The following FAM184B variants were observed in gnomAD, a reference collection of about 807,000 sequenced individuals.
The protein encoded by FAM184B is family with sequence similarity 184 member B.
FAM184B carries 111 observed loss-of-function variants against 135.9 expected under a neutral mutation model. That is an observed-to-expected ratio of 0.82 (90% confidence interval 0.70 to 0.96). The LOEUF (loss-of-function observed/expected upper bound fraction) is 0.96. FAM184B is among the 40% of genes least tolerant of loss of function. The pLI, the probability that FAM184B is intolerant of heterozygous loss-of-function variation, is 0.00. For synonymous variants in FAM184B, 552 were observed against 524.8 expected (o/e 1.05, Z -0.71); for missense variants, 1,375 against 1,323.9 (o/e 1.04, Z -0.60).
intron 13 of FAM184B, among the ~76,000 whole-genome samples, chr4:17,639,669 C>A (rs1252718323): frequency 6.6e-6 from 1 of 152,126 alleles, no homozygotes; most frequent in Non-Finnish European, 1.5e-5. Flanking sequence ...TGATGGAGAG[C>A]AGCCCTGCAG....
At chr4:17,641,010 T>C (rs561208087) in intron 13 of FAM184B, among the ~76,000 whole-genome samples, 1 of 152,144 alleles carries the variant, frequency 6.6e-6, no homozygotes, top group African/African-American at 2.4e-5. Flanking sequence ...CTCAACTCAG[T>C]GCAACCTCCA....
rs892224889 is a variant in FAM184B at position 17,632,504 on chromosome 4, T to C, written c.*28A>G. 20 of 1,465,306 alleles carry C rather than the reference T, an allele frequency of 1.4e-5. No homozygotes were observed. The highest frequency in any genetic ancestry group is 1.8e-5 in the Non-Finnish European group (19 of 1,077,152). The allele number at this position is 1,465,306 out of a possible 1,614,324, so 90.8% of individuals were successfully genotyped here. ...ATTTAAAATAAATGTTTTTCAAGTATCCTCTGTGATGTATCCCAAAGGTTA... is the reference window on the plus strand; with the variant it reads ...ATTTAAAATAAATGTTTTTCAAGTACCCTCTGTGATGTATCCCAAAGGTTA... On this transcript the variant is annotated 3_prime_UTR_variant, in exon 18 of 18. Coordinates refer to ENST00000265018, the MANE Select transcript of FAM184B (RefSeq NM_015688.2).
At chr4:17,712,568 A>C (rs1348535816) in intron 1 of FAM184B, among the ~76,000 whole-genome samples, 2 of 152,274 alleles carry the variant, frequency 1.3e-5, no homozygotes, top group East Asian at 3.9e-4. Flanking sequence ...CTTCATTGCC[A>C]AGTTCCTATT....
At chr4:17,635,948 C>G (rs987659027) in intron 15 of FAM184B, among the ~76,000 whole-genome samples, 1 of 152,152 alleles carries the variant, frequency 6.6e-6, no homozygotes, top group Non-Finnish European at 1.5e-5. Context: ...TACTACAATT[C>G]AAACCTAAGC....
chr4:17,688,615 C>G (rs776543525), intron 6 of FAM184B, 84 bp from the exon 7 acceptor site: 87 of 995,292 alleles, frequency 8.7e-5, no homozygotes, highest in Non-Finnish European at 6.0e-5. Context: ...ATCAATTCTC[C>G]TGGGTCAGTC....
At chr4:17,757,704 T>C (rs186321611) in intron 1 of FAM184B, among the ~76,000 whole-genome samples, 2 of 149,558 alleles carry the variant, frequency 1.3e-5, no homozygotes, top group Admixed American at 6.6e-5. Context: ...TTATACCGTA[T>C]ACTTTCTAAT....
At chr4:17,632,982 C>T (rs531340048) in intron 17 of FAM184B, 183 of 174,206 alleles carry the variant, frequency 1.1e-3, no homozygotes, top group Middle Eastern at 5.6e-3. Context: ...AGTGCAGTGG[C>T]ATGATCTCGG....
chr4:17,762,738 C>T (rs1718574351), intron 1 of FAM184B, among the ~76,000 whole-genome samples: 2 of 152,214 alleles, frequency 1.3e-5, no homozygotes, highest in South Asian at 4.1e-4. Context: ...AACTATACAT[C>T]AAAATGCCTA....
chr4:17,775,238 T>C (rs576051854), intron 1 of FAM184B, among the ~76,000 whole-genome samples: 26 of 152,060 alleles, frequency 1.7e-4, no homozygotes, highest in Non-Finnish European at 3.7e-4. Flanking sequence ...CAGGCTGGAG[T>C]GTAGTGGTGC....
At chr4:17,746,367 C>T (rs748690210) in intron 1 of FAM184B, among the ~76,000 whole-genome samples, 6 of 152,104 alleles carry the variant, frequency 3.9e-5, no homozygotes, top group Non-Finnish European at 8.8e-5. Flanking sequence ...GTGAATGAAC[C>T]ATCACTGTTT....
chr4:17,686,435 T>A lies in FAM184B; in HGVS notation c.1596+1989A>T, dbSNP rs149678528. 5.9e-3 allele frequency among the ~76,000 whole-genome samples: 902 copies of A among 152,188 alleles called. 6 individuals are homozygous for A. The highest frequency in any genetic ancestry group is 0.021 in the African/African-American group (871 of 41,530). On this transcript the variant is annotated intron_variant, in intron 7 of 17. Transcript: ENST00000265018. ...AGGAGGAAGGAGGAAATCCAGGGAG[T>A]CCTGGCTGCTCCCCTTAACCCAATG...
chr4:17,697,857 GA>G (rs1022198803), intron 5 of FAM184B, among the ~76,000 whole-genome samples: 5 of 151,912 alleles, frequency 3.3e-5, no homozygotes, highest in Admixed American at 6.6e-5. Context: ...AACCTAATGT[GA>G]AAAAAAATTC....
chr4:17,728,836 G>T (rs1240240848), intron 1 of FAM184B, among the ~76,000 whole-genome samples: 1 of 152,196 alleles, frequency 6.6e-6, no homozygotes, highest in African/African-American at 2.4e-5. Flanking sequence ...CAGAAGACAG[G>T]TGATTTCTGC....
At chr4:17,686,678 A>C (rs961035800) in intron 7 of FAM184B, among the ~76,000 whole-genome samples, 1 of 152,264 alleles carries the variant, frequency 6.6e-6, no homozygotes, top group Non-Finnish European at 1.5e-5. Flanking sequence ...ATGCTGGCTC[A>C]TGCCTGTAAT....
intron 7 of FAM184B, among the ~76,000 whole-genome samples, chr4:17,674,913 C>T (rs1385959644): frequency 1.3e-5 from 2 of 152,202 alleles, no homozygotes; most frequent in Non-Finnish European, 2.9e-5. Flanking sequence ...TACATAGTTA[C>T]TTCCTCATCT....
chr4:17,729,559 G>C (rs552401008), intron 1 of FAM184B, among the ~76,000 whole-genome samples: 79 of 152,316 alleles, frequency 5.2e-4, no homozygotes, highest in African/African-American at 1.8e-3. Context: ...ACTTCTAGAG[G>C]AACGATCAGG....
At chr4:17,704,244 ACTTC>A (rs1227672013) in intron 5 of FAM184B, among the ~76,000 whole-genome samples, 1 of 152,168 alleles carries the variant, frequency 6.6e-6, no homozygotes, top group Non-Finnish European at 1.5e-5. Context: ...ATTGCTTCAT[ACTTC>A]CTTCTTTTCT....
intron 1 of FAM184B, among the ~76,000 whole-genome samples, chr4:17,747,838 G>A (rs1343472802): frequency 2.1e-5 from 3 of 145,278 alleles, no homozygotes; most frequent in Non-Finnish European, 4.5e-5. Context: ...GGAGAATGGC[G>A]TGAACCCGGG....
intron 1 of FAM184B, among the ~76,000 whole-genome samples, chr4:17,752,512 C>T (rs965057477): frequency 6.6e-6 from 1 of 152,128 alleles, no homozygotes; most frequent in Admixed American, 6.6e-5. Context: ...GCTTTGATCA[C>T]AGAGAGCCAT....
Sources: gnomAD v4.1 joint callset for allele counts (sites outside exome capture counted in the v4.1 genomes callset) on GRCh38, gnomAD v4.1.1 for gene constraint, MANE v1.5 for transcripts, NCBI Gene and HGNC (gene_info 2026-07-23, HGNC 2026-07-21) for gene names.